DMXL2: variants seen among roughly 807,000 people sequenced by gnomAD.
The protein encoded by DMXL2 is dmX-like protein 2.
In DMXL2, 103 loss-of-function variants were observed where a neutral mutation model predicts 331.1. That is an observed-to-expected ratio of 0.31 (90% CI 0.27 to 0.37). DMXL2 has a LOEUF of 0.37. Among genes scored for constraint, DMXL2 ranks in the 10% least tolerant of loss-of-function variants. The pLI is 1.00. For missense variants in DMXL2, 3,171 were observed against 3,642.9 expected (o/e 0.87, Z 3.33); for synonymous variants, 1,281 against 1,252.1 (o/e 1.02, Z -0.49).
chr15:51,478,786 A>T (rs2041789863), intron 25 of DMXL2, among the ~76,000 whole-genome samples: 1 of 152,176 alleles, frequency 6.6e-6, no homozygotes, highest in Non-Finnish European at 1.5e-5. Context: ...ATGAAAATGA[A>T]TTAAATCTTT....
intron 14 of DMXL2, among the ~76,000 whole-genome samples, chr15:51,515,636 A>G (rs1366738712): frequency 6.6e-6 from 1 of 152,168 alleles, no homozygotes; most frequent in East Asian, 1.9e-4. Context: ...AAACCTAGAA[A>G]GAATTTTAAA....
At chr15:51,530,181 T>G (rs56189052) in intron 13 of DMXL2, among the ~76,000 whole-genome samples, 59,629 of 151,894 alleles carry the variant, frequency 0.39, 13,590 homozygotes, top group Non-Finnish European at 0.5. Flanking sequence ...ACAATAAGGA[T>G]GCTCACTTTC....
intron 1 of DMXL2, among the ~76,000 whole-genome samples, chr15:51,582,347 T>C (rs1434710665): frequency 6.6e-6 from 1 of 152,186 alleles, no homozygotes; most frequent in African/African-American, 2.4e-5. Flanking sequence ...TTTTCTATCG[T>C]TTCGTTTTCT....
intron 6 of DMXL2, among the ~76,000 whole-genome samples, chr15:51,554,465 AATTAT>A (rs1484802174): frequency 6.6e-6 from 1 of 152,204 alleles, no homozygotes; most frequent in Non-Finnish European, 1.5e-5. Flanking sequence ...AAAAGACATG[AATTAT>A]ATTATTTCTC....
Position 51,448,932 on chromosome 15 carries a change from G to A in DMXL2, c.*52C>T, listed in dbSNP as rs551131514. The A allele has an allele frequency of 1.3e-4, 208 of 1,542,280 alleles. 2 individuals are homozygous for A. The South Asian group carries it at 2.3e-3, about 17-fold the overall frequency. ...TTAGAAAGCAGAATTGCCTAGTGAT[G>A]ACTGTAGTGTGCCTTTTAACTGAAA... is the stretch of plus-strand genomic sequence containing the variant. On this transcript the variant is annotated 3_prime_UTR_variant, in exon 44 of 44. Coordinates refer to ENST00000560891, the MANE Select transcript of DMXL2 (RefSeq NM_001378457.1).
rs781167032 is a variant in DMXL2, at chr15:51,576,182, C to CCAAAAAAAAAAAAAA, written c.88-2_88-1insTTTTTTTTTTTTTTG. The CCAAAAAAAAAAAAAA allele has an allele frequency of 2.7e-6, 2 of 734,650 alleles. No individual in the cohort carries two copies. The highest frequency in any genetic ancestry group is 5.2e-5 in the African/African-American group (1 of 19,154). The allele number at this position is 734,650 out of a possible 1,614,324, so 45.5% of individuals were successfully genotyped here. A position where few individuals can be genotyped will look rare whatever the true frequency, so the allele number is the denominator to read the frequency against. ...CAATATCACAGCCTGATCCATATGC[C>CCAAAAAAAAAAAAAA]TAAAAAAAAAAAAAAAAAAAAGTTT... On this transcript the variant is annotated splice_acceptor_variant, in intron 1 of 43. Transcript: ENST00000560891. LOFTEE classifies it high-confidence loss of function.
At chr15:51,476,767 A>T in intron 26 of DMXL2, 48 bp from the exon 27 acceptor site, 3 of 1,512,916 alleles carry the variant, frequency 2.0e-6, no homozygotes, top group Non-Finnish European at 2.6e-6. Context: ...GGTAATAAAA[A>T]ATTGCACTTT....
intron 1 of DMXL2, among the ~76,000 whole-genome samples, chr15:51,594,018 G>C (rs1000697487): frequency 4.6e-5 from 7 of 152,056 alleles, no homozygotes; most frequent in Admixed American, 4.6e-4. Context: ...AGAGAAGCAA[G>C]AGCAAACACA....
At chr15:51,613,133 T>C (rs1002646684) in intron 1 of DMXL2, among the ~76,000 whole-genome samples, 2 of 152,194 alleles carry the variant, frequency 1.3e-5, no homozygotes, top group Non-Finnish European at 2.9e-5. Context: ...TTTAAACAAT[T>C]TGTGCAGTTA....
At chr15:51,588,937 G>T (rs1050792825) in intron 1 of DMXL2, among the ~76,000 whole-genome samples, 1 of 152,120 alleles carries the variant, frequency 6.6e-6, no homozygotes, top group Non-Finnish European at 1.5e-5. Context: ...GCTTCAAAAA[G>T]TCTCCAAAAG....
intron 1 of DMXL2, among the ~76,000 whole-genome samples, chr15:51,616,899 T>C (rs938291029): frequency 4.5e-5 from 6 of 132,534 alleles, no homozygotes; most frequent in Non-Finnish European, 6.1e-5. Context: ...GTTGCACCAC[T>C]GCACTCCAGC....
chr15:51,602,115 T>C (rs943462561), intron 1 of DMXL2, among the ~76,000 whole-genome samples: 1 of 152,198 alleles, frequency 6.6e-6, no homozygotes, highest in Admixed American at 6.5e-5. Context: ...AGGTGAATTA[T>C]AGCAGATAAA....
intron 1 of DMXL2, among the ~76,000 whole-genome samples, chr15:51,601,588 G>A (rs976598457): frequency 2.6e-5 from 4 of 152,044 alleles, no homozygotes; most frequent in Admixed American, 2.6e-4. Context: ...ACAAATGTGT[G>A]GGTCTCTTTC....
At chr15:51,609,783 G>T (rs1475968107) in intron 1 of DMXL2, among the ~76,000 whole-genome samples, 14 of 152,118 alleles carry the variant, frequency 9.2e-5, no homozygotes, top group Non-Finnish European at 1.5e-5. Context: ...ACAAAAATTA[G>T]CCAGGCATGG....
At chr15:51,469,502 A>AT (rs1205561328) in intron 29 of DMXL2, among the ~76,000 whole-genome samples, 2 of 152,182 alleles carry the variant, frequency 1.3e-5, no homozygotes, top group Admixed American at 1.3e-4. Context: ...CCAATTATAC[A>AT]TTTTTTTAAT....
intron 1 of DMXL2, among the ~76,000 whole-genome samples, chr15:51,595,154 T>C (rs2052701733): frequency 6.6e-6 from 1 of 152,332 alleles, no homozygotes; most frequent in African/African-American, 2.4e-5. Flanking sequence ...GATGACATGA[T>C]TGTATATCCA....
intron 6 of DMXL2, among the ~76,000 whole-genome samples, chr15:51,553,789 TAAA>T (rs34022999): frequency 3.4e-5 from 5 of 147,234 alleles, no homozygotes; most frequent in Admixed American, 6.8e-5. Context: ...ATGCAGGGTT[TAAA>T]AAAAAAAAAA....
intron 1 of DMXL2, among the ~76,000 whole-genome samples, chr15:51,593,532 C>T (rs2052557824): frequency 6.6e-6 from 1 of 152,138 alleles, no homozygotes; most frequent in Admixed American, 6.5e-5. Context: ...CAAGGATATC[C>T]AGGAATTCAA....
At position 51,488,078 on chromosome 15, in the gene DMXL2, T is replaced by C. The variant is rs149028181; in HGVS notation, c.5093A>G (p.Asn1698Ser). The change falls in exon 22 of 44, where the codon AAC becomes AGC. Residue 1698 changes from asparagine to serine, a missense_variant. Physicochemically the swap from Asn to Ser is conservative, Grantham distance 46 (BLOSUM62 1). Around this residue, in one of 7 missense-constraint regions of DMXL2, gnomAD observed 252 missense variants for 387.4 expected, o/e 0.65. Coordinates refer to ENST00000560891, the MANE Select transcript of DMXL2 (RefSeq NM_001378457.1). ...TTTTCGCCATCTATCTTCATTAAAGTTGTGGCTGAAAAATGTTGTCATTTT... is the reference window on the plus strand; with the variant it reads ...TTTTCGCCATCTATCTTCATTAAAGCTGTGGCTGAAAAATGTTGTCATTTT... ...DEKMTTFFSH[N>S]FNEDRWRKAA... The C allele has an allele frequency of 6.9e-5, 111 of 1,610,506 alleles. 1 individual carries two copies. Among genetic ancestry groups the C allele is most frequent in the Admixed American group, 2.9e-4 (17 of 59,318 alleles).
Sources: gnomAD v4.1 joint callset for allele counts (sites outside exome capture counted in the v4.1 genomes callset) on GRCh38, gnomAD v4.1.1 for gene constraint, gnomAD v4.1.1 regional missense constraint, MANE v1.5 for transcripts, NCBI Gene and HGNC (gene_info 2026-07-23, HGNC 2026-07-21) for gene names.